The following HNRNPLL variants were observed in gnomAD, a reference collection of about 807,000 sequenced individuals.
The protein encoded by HNRNPLL is heterogeneous nuclear ribonucleoprotein L like, also known as heterogeneous nuclear ribonucleoprotein L-like.
A neutral mutation model predicts 67.1 loss-of-function variants in HNRNPLL; 25 were observed. The ratio of observed to expected loss-of-function variants is 0.37; its 90% CI spans 0.27 to 0.52. The LOEUF (loss-of-function observed/expected upper bound fraction) is 0.52, where lower values mean the gene tolerates loss of function less well. Ranked by LOEUF, HNRNPLL falls within the 20% of genes least tolerant of loss-of-function variation. The pLI is 0.90. For synonymous variants in HNRNPLL, 267 were observed against 241.7 expected, an observed-to-expected ratio of 1.10 and a Z score of -0.97; for missense variants, 542 against 673.9, an observed-to-expected ratio of 0.80 and a Z score of 2.17.
intron 2 of HNRNPLL, among the ~76,000 whole-genome samples, chr2:38,590,285 T>G (rs890221256): frequency 6.6e-6 from 1 of 152,248 alleles, no homozygotes; most frequent in Non-Finnish European, 1.5e-5. Context: ...TACCCTCTGC[T>G]GGACATCTCT....
chr2:38,588,546 C>CACAAAAAAAA (rs1666824062), intron 2 of HNRNPLL, among the ~76,000 whole-genome samples: 1 of 51,018 alleles, frequency 2.0e-5, no homozygotes, highest in African/African-American at 5.5e-5. Context: ...AACTCCATCT[C>CACAAAAAAAA]AAAAAAAAAA....
intron 1 of HNRNPLL, among the ~76,000 whole-genome samples, chr2:38,595,272 T>TAAAAAAAAAAAAA (rs70954734): frequency 7.3e-5 from 5 of 68,772 alleles, no homozygotes; most frequent in Non-Finnish European, 1.2e-4. Flanking sequence ...AGACCTTGTC[T>TAAAAAAAAAAAAA]AAAAAAAAAA....
chr2:38,579,640 G>A (rs1573735542), intron 6 of HNRNPLL, among the ~76,000 whole-genome samples: 1 of 151,918 alleles, frequency 6.6e-6, no homozygotes. Flanking sequence ...ATTTCTGGAG[G>A]GGTTCCCTGG....
chr2:38,590,184 T>C (rs78714244), intron 2 of HNRNPLL, among the ~76,000 whole-genome samples: 2,287 of 152,308 alleles, frequency 0.015, 27 homozygotes, highest in South Asian at 0.063. Context: ...TACCTCTCAA[T>C]GAGGTCACCC....
intron 4 of HNRNPLL, among the ~76,000 whole-genome samples, chr2:38,582,874 TAA>T (rs397976998): frequency 1.0e-4 from 14 of 135,292 alleles, no homozygotes; most frequent in Non-Finnish European, 6.5e-5. Flanking sequence ...AACTCCATCT[TAA>T]AAAAAAAAAA....
rs990645463 is a variant in HNRNPLL at position 38,563,292 on chromosome 2, T to C, written c.*890A>G. Reference sequence around the variant, plus strand: ...ATCTTGTACCATATAGAAAAATACATATTACTGATGGATCCAAGAGTTAAA... The same window carrying C: ...ATCTTGTACCATATAGAAAAATACACATTACTGATGGATCCAAGAGTTAAA... On this transcript the variant is annotated 3_prime_UTR_variant, in exon 13 of 13. Transcript: ENST00000449105. 1 of 152,066 alleles carries C rather than the reference T, an allele frequency of 6.6e-6. No homozygotes were observed. Among genetic ancestry groups the C allele is most frequent in the Non-Finnish European group, 1.5e-5 (1 of 67,946 alleles). 9.4% of individuals were successfully genotyped at this position (152,066 alleles called of 1,614,324 possible). A position where few individuals can be genotyped will look rare whatever the true frequency, so the allele number is the denominator to read the frequency against.
intron 1 of HNRNPLL, among the ~76,000 whole-genome samples, chr2:38,597,904 G>A (rs912038439): frequency 2.6e-5 from 4 of 151,786 alleles, no homozygotes; most frequent in African/African-American, 9.7e-5. Flanking sequence ...GGCCAGGCTG[G>A]TCTTGAACTC....
intron 2 of HNRNPLL, among the ~76,000 whole-genome samples, chr2:38,586,207 G>A (rs1666724716): frequency 6.6e-6 from 1 of 152,100 alleles, no homozygotes; most frequent in African/African-American, 2.4e-5. Context: ...ACTTTCAGTA[G>A]AGACAGGGTT....
chr2:38,582,609 C>T (rs1349593898), intron 4 of HNRNPLL, among the ~76,000 whole-genome samples: 1 of 152,116 alleles, frequency 6.6e-6, no homozygotes. Context: ...TGCGCCTGGC[C>T]AGGAGAATTT....
intron 2 of HNRNPLL, among the ~76,000 whole-genome samples, chr2:38,588,993 TAGG>T (rs1666852286): frequency 6.6e-6 from 1 of 152,170 alleles, no homozygotes. Flanking sequence ...AATAAAAACA[TAGG>T]AGAAGACAAC....
intron 1 of HNRNPLL, among the ~76,000 whole-genome samples, chr2:38,599,430 A>AT (rs1182867746): frequency 6.6e-6 from 1 of 152,214 alleles, no homozygotes; most frequent in African/African-American, 2.4e-5. Flanking sequence ...ACTTAATATG[A>AT]TCTTGAAGGT....
At chr2:38,593,980 C>T (rs1457116146) in intron 1 of HNRNPLL, among the ~76,000 whole-genome samples, 1 of 152,166 alleles carries the variant, frequency 6.6e-6, no homozygotes, top group African/African-American at 2.4e-5. Flanking sequence ...CGAGACCACC[C>T]TGGCTAACAC....
At chr2:38,580,773 T>C (rs1022662243) in intron 6 of HNRNPLL, among the ~76,000 whole-genome samples, 2 of 152,232 alleles carry the variant, frequency 1.3e-5, no homozygotes, top group African/African-American at 4.8e-5. Context: ...TGAAGATGCA[T>C]CCCAAATGAA....
chr2:38,599,827 C>A, intron 1 of HNRNPLL: 1 of 462,176 alleles, frequency 2.2e-6, no homozygotes, highest in Non-Finnish European at 4.5e-6. Context: ...CAATGTAAAT[C>A]TTCAAAGGCT....
At chr2:38,579,180 G>A (rs936593074) in intron 6 of HNRNPLL, among the ~76,000 whole-genome samples, 2 of 152,050 alleles carry the variant, frequency 1.3e-5, no homozygotes, top group Non-Finnish European at 2.9e-5. Flanking sequence ...GGAATCAGAC[G>A]ATTCCAACTT....
At chr2:38,582,779 G>A (rs183167400) in intron 4 of HNRNPLL, among the ~76,000 whole-genome samples, 1 of 151,874 alleles carries the variant, frequency 6.6e-6, no homozygotes, top group Non-Finnish European at 1.5e-5. Context: ...AATTAGCTGG[G>A]TGTGGTGGCA....
At chr2:38,598,962 C>T (rs1667317286) in intron 1 of HNRNPLL, among the ~76,000 whole-genome samples, 1 of 152,212 alleles carries the variant, frequency 6.6e-6, no homozygotes, top group African/African-American at 2.4e-5. Context: ...TACTTTATTT[C>T]CATGAAGTAG....
At chr2:38,598,802 G>A (rs1287636274) in intron 1 of HNRNPLL, among the ~76,000 whole-genome samples, 1 of 152,120 alleles carries the variant, frequency 6.6e-6, no homozygotes, top group East Asian at 1.9e-4. Flanking sequence ...ACCAAAAGAT[G>A]GTAAAACCTA....
intron 1 of HNRNPLL, chr2:38,601,563 T>A (rs573028338): frequency 6.6e-6 from 1 of 152,224 alleles, no homozygotes; most frequent in Non-Finnish European, 1.5e-5. Flanking sequence ...TCCATCCAAC[T>A]GAAGCTAACT....
Sources: allele counts gnomAD v4.1 joint callset (sites outside exome capture counted in the v4.1 genomes callset), GRCh38; gene constraint gnomAD v4.1.1; transcripts MANE v1.5; gene names NCBI Gene and HGNC (gene_info 2026-07-23, HGNC 2026-07-21).